The following CCDC85C variants were observed in gnomAD, a reference collection of about 807,000 sequenced individuals.
The protein encoded by CCDC85C is coiled-coil domain-containing protein 85C.
In CCDC85C, 18 loss-of-function variants were observed where a neutral mutation model predicts 38.3. That is an observed-to-expected ratio of 0.47 (90% CI 0.33 to 0.70). The LOEUF (loss-of-function observed/expected upper bound fraction) is 0.70. CCDC85C is among the 30% of genes least tolerant of loss of function. CCDC85C has a pLI of 0.03. For missense variants in CCDC85C, 566 were observed against 621.2 expected (o/e 0.91, Z 0.94); for synonymous variants, 264 against 293.8 (o/e 0.90, Z 1.04).
At chr14:99,564,744 A>G (rs1002810789) in intron 1 of CCDC85C, among the ~76,000 whole-genome samples, 6 of 152,176 alleles carry the variant, frequency 3.9e-5, no homozygotes, top group African/African-American at 1.4e-4. Context: ...CAACAGCAGG[A>G]ACAACATCCA....
At chr14:99,549,684 A>C (rs555583104) in intron 1 of CCDC85C, among the ~76,000 whole-genome samples, 2 of 152,332 alleles carry the variant, frequency 1.3e-5, no homozygotes, top group South Asian at 4.1e-4. Context: ...CCCGGTTAGA[A>C]GCGAGATAGA....
intron 1 of CCDC85C, among the ~76,000 whole-genome samples, chr14:99,584,908 G>T (rs1394934559): frequency 6.6e-6 from 1 of 152,180 alleles, no homozygotes; most frequent in East Asian, 1.9e-4. Flanking sequence ...GGGCAACACA[G>T]CAAGACCTTG....
Position 99,546,616 on chromosome 14 carries a change from G to A in CCDC85C, c.794-10528C>T, listed in dbSNP as rs139965286. ...CAGGTGGTAGGATTCCTAGGGCGAT[G>A]GGAGTTCAGAGAAGACAGCTCTATG... On this transcript the variant is annotated intron_variant, in intron 1 of 5. Transcript: ENST00000380243. Among the ~76,000 whole-genome samples the A allele has an allele frequency of 4.5e-3, 688 of 152,268 alleles. 4 individuals carry two copies. The highest frequency in any genetic ancestry group is 5.8e-3 in the Non-Finnish European group (395 of 68,020).
At chr14:99,541,724 C>T (rs1257308680) in intron 1 of CCDC85C, among the ~76,000 whole-genome samples, 5 of 152,162 alleles carry the variant, frequency 3.3e-5, no homozygotes, top group Admixed American at 2.6e-4. Flanking sequence ...GCGATACAGC[C>T]GTGGGCTCAG....
At chr14:99,601,953 G>C (rs1051308221) in intron 1 of CCDC85C, among the ~76,000 whole-genome samples, 1 of 135,920 alleles carries the variant, frequency 7.4e-6, no homozygotes, top group Non-Finnish European at 1.5e-5. Context: ...GAGGCCACTT[G>C]GCCACCAAAC....
At chr14:99,561,057 C>T (rs918022092) in intron 1 of CCDC85C, among the ~76,000 whole-genome samples, 11 of 152,200 alleles carry the variant, frequency 7.2e-5, no homozygotes, top group Non-Finnish European at 1.5e-4. Flanking sequence ...GCAGAGAGGG[C>T]TCTGCTGCTC....
rs1898358118 is a variant in CCDC85C at position 99,572,057 on chromosome 14, T to TTCCACGGGGCATCTCAGAGCGTGAC, written c.793+31109_793+31110insGTCACGCTCTGAGATGCCCCGTGGA. 6.6e-6 allele frequency among the ~76,000 whole-genome samples: 1 copy of TTCCACGGGGCATCTCAGAGCGTGAC among 151,972 alleles called. No individual in the cohort carries two copies. Among genetic ancestry groups the TTCCACGGGGCATCTCAGAGCGTGAC allele is most frequent in the African/African-American group, 2.4e-5 (1 of 41,380 alleles). On this transcript the variant is annotated intron_variant, in intron 1 of 5. Transcript: ENST00000380243. This position sits in a 1 kb window ranked among gnomAD's most constrained non-coding sequence, Gnocchi z 4.4. ...TTCCACGGGGCATCTCAGAGCGTGA[T>TTCCACGGGGCATCTCAGAGCGTGAC]CCCCAGAGCCCCCAACCCTAACCCA...
In CCDC85C at chr14:99,585,827, C is replaced by T. The variant is rs372916152; in HGVS notation, c.793+17340G>A. On this transcript the variant is annotated intron_variant, in intron 1 of 5. Transcript: ENST00000380243. ...ACCTCCTCACCCAGGGCCCACCTGG[C>T]AAGGTGGTGTGGCTGTCCCAGCCCT... 2.6e-5 allele frequency among the ~76,000 whole-genome samples: 4 copies of T among 152,278 alleles called. No homozygotes were observed. In the East Asian group the frequency reaches 5.8e-4, roughly 22 times the overall value.
chr14:99,526,232 G>A (rs1897380844), intron 2 of CCDC85C, among the ~76,000 whole-genome samples: 1 of 152,196 alleles, frequency 6.6e-6, no homozygotes, highest in African/African-American at 2.4e-5. Context: ...GAGCTTGAAG[G>A]TGCCGTCTGC....
At chr14:99,542,092 C>T (rs1001327735) in intron 1 of CCDC85C, among the ~76,000 whole-genome samples, 1 of 152,236 alleles carries the variant, frequency 6.6e-6, no homozygotes, top group African/African-American at 2.4e-5. Context: ...TGCCCAGCAC[C>T]TCCATGGGCC....
rs543567778 is a variant in CCDC85C, at chr14:99,572,678, C to CT, written c.793+30488dup. 78 of 455,918 alleles carry CT rather than the reference C, an allele frequency of 1.7e-4. No individual in the cohort carries two copies. Among genetic ancestry groups the CT allele is most frequent in the Non-Finnish European group, 3.3e-4 (74 of 226,782 alleles). The allele number at this position is 455,918 out of a possible 1,614,324, so 28.2% of individuals were successfully genotyped here. ...GTGACCTGGCCCCTCCTTAAGAGGC[C>CT]TCCCCTGCCACCATCTGTTTTCTGC... is the stretch of plus-strand genomic sequence containing the variant. On this transcript the variant is annotated intron_variant, in intron 1 of 5. Coordinates refer to ENST00000380243, the MANE Select transcript of CCDC85C (RefSeq NM_001144995.2). This position sits in a 1 kb window ranked among gnomAD's most constrained non-coding sequence, Gnocchi z 4.4.
intron 1 of CCDC85C, among the ~76,000 whole-genome samples, chr14:99,602,855 G>A (rs1046328503): frequency 4.6e-5 from 7 of 152,176 alleles, no homozygotes; most frequent in Non-Finnish European, 7.3e-5. Flanking sequence ...GGGATGAGGC[G>A]CCCACCGCCA....
At chr14:99,579,359 G>T (rs868137393) in intron 1 of CCDC85C, among the ~76,000 whole-genome samples, 12 of 152,210 alleles carry the variant, frequency 7.9e-5, no homozygotes, top group African/African-American at 2.9e-4. Flanking sequence ...GAAGAGAAGT[G>T]GGGGAGGGGG....
chr14:99,521,060 C>T (rs903816316), intron 3 of CCDC85C, among the ~76,000 whole-genome samples: 18 of 152,196 alleles, frequency 1.2e-4, no homozygotes, highest in South Asian at 2.1e-4. Flanking sequence ...CTGCAGGCCA[C>T]GCGGAAGACT....
At chr14:99,571,624 T>C (rs1478317826) in intron 1 of CCDC85C, among the ~76,000 whole-genome samples, 1 of 152,256 alleles carries the variant, frequency 6.6e-6, no homozygotes, top group South Asian at 2.1e-4. Flanking sequence ...AAATGTGCTT[T>C]GTAGAATCTC....
In CCDC85C at chr14:99,588,319, C is replaced by T. The variant is rs1465292813; in HGVS notation, c.793+14848G>A. ...TGAGGACACCCATCCAGGGTGGCTT[C>T]AGCCAGGCCGGCCAGTCCTGTGCAC... On this transcript the variant is annotated intron_variant, in intron 1 of 5. Coordinates refer to ENST00000380243, the MANE Select transcript of CCDC85C (RefSeq NM_001144995.2). This position sits in a 1 kb window ranked among gnomAD's most constrained non-coding sequence, Gnocchi z 5.0. 6.6e-6 allele frequency among the ~76,000 whole-genome samples: 1 copy of T among 151,982 alleles called. No homozygotes were observed. Among genetic ancestry groups the T allele is most frequent in the Non-Finnish European group, 1.5e-5 (1 of 68,006 alleles).
At chr14:99,574,467 T>C (rs1236440185) in intron 1 of CCDC85C, among the ~76,000 whole-genome samples, 1 of 151,496 alleles carries the variant, frequency 6.6e-6, no homozygotes, top group East Asian at 1.9e-4. Context: ...CCTCACCCCA[T>C]CCCCACTCAC....
intron 1 of CCDC85C, among the ~76,000 whole-genome samples, chr14:99,570,005 G>C (rs1898302990): frequency 6.6e-6 from 1 of 151,986 alleles, no homozygotes; most frequent in Non-Finnish European, 1.5e-5. Context: ...GCGTTACCCT[G>C]AGTGGTTCAC....
chr14:99,508,019 G>A lies in CCDC85C; in HGVS notation c.*7227C>T, dbSNP rs1165485666. 6.6e-6 allele frequency: 1 copy of A among 152,250 alleles called. No individual in the cohort carries two copies. Among genetic ancestry groups the A allele is most frequent in the Non-Finnish European group, 1.5e-5 (1 of 68,094 alleles). The allele number at this position is 152,250 out of a possible 1,614,324, so 9.4% of individuals were successfully genotyped here. On this transcript the variant is annotated 3_prime_UTR_variant, in exon 6 of 6. Coordinates refer to ENST00000380243, the MANE Select transcript of CCDC85C (RefSeq NM_001144995.2). ...TCCAAAAGGTGGTCGATACTCCGGA[G>A]GCTTCCAAGCCTCTGTCAGCAGCTC... is the stretch of plus-strand genomic sequence containing the variant.
Sources: gnomAD v4.1 joint callset for allele counts (sites outside exome capture counted in the v4.1 genomes callset) on GRCh38, gnomAD v4.1.1 for gene constraint, Gnocchi (gnomAD v3.1) non-coding constraint, MANE v1.5 for transcripts, NCBI Gene and HGNC (gene_info 2026-07-23, HGNC 2026-07-21) for gene names.